FSHR: variants seen among roughly 807,000 people sequenced by gnomAD.
The protein encoded by FSHR is follicle stimulating hormone receptor.
In FSHR, 46 loss-of-function variants were observed where a neutral mutation model predicts 52.1. The observed-to-expected ratio is 0.88, with a 90% CI of 0.70 to 1.13. The LOEUF is 1.13. FSHR is among the 50% of genes most tolerant of loss of function. The pLI is 0.00. For synonymous variants in FSHR, 399 were observed against 309.6 expected (o/e 1.29, Z -3.03); for missense variants, 964 against 834.6 (o/e 1.16, Z -1.91).
chr2:48,993,926 G>A lies in FSHR; in HGVS notation c.375-3289C>T, dbSNP rs58198624. ...TATGCTAAACTAAATTCTGGCCCCT[G>A]ATTTATTCTCAATATAACTGCATCT... On this transcript the variant is annotated intron_variant, in intron 4 of 9. Transcript: ENST00000406846. Among the ~76,000 whole-genome samples the A allele has an allele frequency of 7.5e-3, 1,135 of 152,204 alleles. 20 individuals carry two copies. Among genetic ancestry groups the A allele is most frequent in the African/African-American group, 0.026 (1,086 of 41,518 alleles).
At chr2:48,997,329 A>G (rs1676067389) in intron 4 of FSHR, 4 of 985,012 alleles carry the variant, frequency 4.1e-6, no homozygotes, top group Admixed American at 1.2e-4. Context: ...TCTTTGTCTC[A>G]GTCTCCATGG....
In FSHR at chr2:48,962,823, A is replaced by T; in HGVS notation, c.1998T>A (p.His666Gln). The T allele has an allele frequency of 6.2e-7, 1 of 1,614,116 alleles. No individual in the cohort carries two copies. The highest frequency in any genetic ancestry group is 8.5e-7 in the Non-Finnish European group (1 of 1,180,006). The change falls in exon 10 of 10, where the codon CAT (histidine) becomes CAA (glutamine). Residue 666 changes from histidine to glutamine, a missense_variant. Physicochemically the swap from His to Gln is conservative, Grantham distance 24 (BLOSUM62 0). Coordinates refer to ENST00000406846, the MANE Select transcript of FSHR (RefSeq NM_000145.4). ...CTGAAGAGCAGTGGCCATTCCTTGG[A>T]TGGGTGTTGTGGACAGTGGATGAAG... ...TETSSTVHNT[H>Q]PRNGHCSSAP...
intron 8 of FSHR, among the ~76,000 whole-genome samples, chr2:48,982,038 C>A (rs1675272506): frequency 6.6e-6 from 1 of 152,120 alleles, no homozygotes. Context: ...TCTTGAAGTA[C>A]TTTTTTCAGT....
intron 5 of FSHR, 84 bp downstream of exon 5, chr2:48,990,482 C>G: frequency 1.1e-6 from 1 of 885,320 alleles, no homozygotes; most frequent in Non-Finnish European, 1.9e-6. Flanking sequence ...GTAGACTACA[C>G]AATGCATATT....
At chr2:49,103,701 C>G (rs1434669171) in intron 1 of FSHR, among the ~76,000 whole-genome samples, 1 of 152,136 alleles carries the variant, frequency 6.6e-6, no homozygotes, top group African/African-American at 2.4e-5. Context: ...GGGGAAAAGT[C>G]TCTAAAGAGT....
chr2:49,017,933 A>C (rs1162525566), intron 3 of FSHR, among the ~76,000 whole-genome samples: 1 of 152,108 alleles, frequency 6.6e-6, no homozygotes, highest in Non-Finnish European at 1.5e-5. Flanking sequence ...TAGGAATGAG[A>C]CTAATATGGC....
chr2:49,146,996 T>C (rs1037538532), intron 1 of FSHR, among the ~76,000 whole-genome samples: 1 of 152,096 alleles, frequency 6.6e-6, no homozygotes, highest in Admixed American at 6.6e-5. Flanking sequence ...AAAAAAGGGC[T>C]CATGTCACTC....
At chr2:49,077,854 C>A (rs1242798338) in intron 1 of FSHR, among the ~76,000 whole-genome samples, 1 of 152,206 alleles carries the variant, frequency 6.6e-6, no homozygotes. Flanking sequence ...CAGTTACCAA[C>A]AAGTTCCTCA....
At chr2:49,075,742 C>T (rs1669928025) in intron 1 of FSHR, among the ~76,000 whole-genome samples, 1 of 152,082 alleles carries the variant, frequency 6.6e-6, no homozygotes, top group Non-Finnish European at 1.5e-5. Flanking sequence ...ATCCTGCCCC[C>T]TCAACCTCTC....
chr2:48,971,653 T>C (rs1379939432), intron 8 of FSHR, among the ~76,000 whole-genome samples: 1 of 152,204 alleles, frequency 6.6e-6, no homozygotes, highest in Non-Finnish European at 1.5e-5. Flanking sequence ...TACTTACTGA[T>C]TTTTTTGCTT....
intron 1 of FSHR, among the ~76,000 whole-genome samples, chr2:49,109,583 G>A (rs566734956): frequency 6.6e-6 from 1 of 152,072 alleles, no homozygotes; most frequent in East Asian, 1.9e-4. Context: ...ACAGTGTGGT[G>A]AAACAGGGCA....
chr2:49,021,886 T>TATATATATAAAG (rs1273265515), intron 2 of FSHR, among the ~76,000 whole-genome samples: 8 of 25,124 alleles, frequency 3.2e-4, no homozygotes, highest in African/African-American at 1.0e-3. Flanking sequence ...TATATATATA[T>TATATATATAAAG]AGAGAGAGAG....
intron 1 of FSHR, among the ~76,000 whole-genome samples, chr2:49,150,784 A>G (rs999322904): frequency 6.6e-6 from 1 of 151,962 alleles, no homozygotes; most frequent in African/African-American, 2.4e-5. Flanking sequence ...ACCCCACTCA[A>G]ACTAGTAATA....
intron 2 of FSHR, among the ~76,000 whole-genome samples, chr2:49,041,423 A>G (rs529484121): frequency 8.5e-5 from 13 of 152,316 alleles, no homozygotes; most frequent in African/African-American, 3.1e-4. Flanking sequence ...TGCCATACAG[A>G]AATCATGAAT....
chr2:49,076,787 C>T (rs1317755047), intron 1 of FSHR, among the ~76,000 whole-genome samples: 1 of 152,116 alleles, frequency 6.6e-6, no homozygotes, highest in African/African-American at 2.4e-5. Context: ...GAGAAAGTGG[C>T]CAAAACAAAT....
Position 48,963,449 on chromosome 2 carries a change from A to G in FSHR, c.1372T>C (p.Tyr458His). 6.2e-7 allele frequency: 1 copy of G among 1,614,186 alleles called. No homozygotes were observed. Among genetic ancestry groups the G allele is most frequent in the South Asian group, 1.1e-5 (1 of 91,082 alleles). Residue 458 changes from tyrosine (Y) to histidine (H), a missense_variant, in exon 10 of 10, where the codon TAC becomes CAC. Transcript: ENST00000406846. ...TCCAAGGTGATAGCTGTCAGAGTGT[A>G]GACTGACAGCTCACTGGCAAAGACA... ...FTVFASELSV[Y>H]TLTAITLERW...
intron 1 of FSHR, among the ~76,000 whole-genome samples, chr2:49,074,618 T>C (rs892457113): frequency 2.0e-5 from 3 of 152,048 alleles, no homozygotes; most frequent in Non-Finnish European, 2.9e-5. Context: ...GTTTCATCAG[T>C]ATGAAGGTTC....
chr2:49,017,481 G>A lies in FSHR; in HGVS notation c.374+8C>T, dbSNP rs764505936. ...ATAGTGGGGGTACCAAACTACATGAGTTCTTACAGATATTGAAGGTTGGGA... is the reference window on the plus strand; with the variant it reads ...ATAGTGGGGGTACCAAACTACATGAATTCTTACAGATATTGAAGGTTGGGA... On this transcript the variant is annotated splice_region_variant and intron_variant, in intron 4 of 9. Transcript: ENST00000406846. 4.8e-5 allele frequency: 77 copies of A among 1,605,374 alleles called. No homozygotes were observed. Among genetic ancestry groups the A allele is most frequent in the Non-Finnish European group, 5.9e-5 (69 of 1,172,522 alleles).
chr2:49,039,640 C>G (rs1032606356), intron 2 of FSHR, among the ~76,000 whole-genome samples: 1 of 152,176 alleles, frequency 6.6e-6, no homozygotes, highest in Non-Finnish European at 1.5e-5. Context: ...GTAGCTGAAT[C>G]CTTTCCACTT....
Sources: gnomAD v4.1 joint callset for allele counts (sites outside exome capture counted in the v4.1 genomes callset) on GRCh38, gnomAD v4.1.1 for gene constraint, MANE v1.5 for transcripts, NCBI Gene and HGNC (gene_info 2026-07-23, HGNC 2026-07-21) for gene names.